DENND5B: variants seen among roughly 807,000 people sequenced by gnomAD.
DENND5B encodes the protein DENN domain-containing protein 5B.
A neutral mutation model predicts 140.6 loss-of-function variants in DENND5B; 34 were observed. The ratio of observed to expected loss-of-function variants is 0.24; its 90% CI spans 0.18 to 0.32. The LOEUF (loss-of-function observed/expected upper bound fraction) is 0.32. Among genes scored for constraint, DENND5B ranks in the 10% least tolerant of loss-of-function variants. The pLI is 1.00. For missense variants in DENND5B, 1,142 were observed against 1,560.2 expected (o/e 0.73, Z 4.52); for synonymous variants, 551 against 562.1 (o/e 0.98, Z 0.28).
intron 1 of DENND5B, among the ~76,000 whole-genome samples, chr12:31,505,480 G>A (rs1947164071): frequency 6.6e-6 from 1 of 151,986 alleles, no homozygotes; most frequent in African/African-American, 2.4e-5. Context: ...CAGATGATCT[G>A]CCCGCTTCAG....
chr12:31,511,967 A>T, intron 1 of DENND5B, among the ~76,000 whole-genome samples: 1 of 110,300 alleles, frequency 9.1e-6, no homozygotes, highest in Non-Finnish European at 1.7e-5. Flanking sequence ...TCTATTGCCT[A>T]GGTTGGAGTG....
chr12:31,462,206 T>G (rs1945049727), intron 3 of DENND5B, among the ~76,000 whole-genome samples: 1 of 152,078 alleles, frequency 6.6e-6, no homozygotes, highest in African/African-American at 2.4e-5. Context: ...CAAGGCCCAC[T>G]GAAGAAGCTA....
rs925381010 is a variant in DENND5B, at chr12:31,445,906, G to A, written c.1861+1632C>T. On this transcript the variant is annotated intron_variant, in intron 6 of 20. Transcript: ENST00000389082. ...TGCCTATAGTACCAGTTCCCCAGGA[G>A]GCTGTGGTAGGAACATCACCTGAGC... 5.6e-4 allele frequency among the ~76,000 whole-genome samples: 85 copies of A among 151,370 alleles called. 1 individual carries two copies. Among genetic ancestry groups the A allele is most frequent in the African/African-American group, 2.0e-3 (81 of 41,206 alleles).
intron 8 of DENND5B, among the ~76,000 whole-genome samples, chr12:31,429,418 T>A (rs187993107): frequency 9.2e-5 from 14 of 152,342 alleles, no homozygotes; most frequent in Non-Finnish European, 1.9e-4. Flanking sequence ...TATTATTATT[T>A]TTTTTCTTGA....
At chr12:31,401,513 CACA>C (rs1297855813) in intron 15 of DENND5B, among the ~76,000 whole-genome samples, 1 of 152,122 alleles carries the variant, frequency 6.6e-6, no homozygotes, top group East Asian at 1.9e-4. Flanking sequence ...CTTCCTCAAA[CACA>C]ACAATTATTT....
At chr12:31,479,458 C>G in intron 3 of DENND5B, 131 bp downstream of exon 3, 1 of 868,852 alleles carries the variant, frequency 1.2e-6, no homozygotes, top group Non-Finnish European at 1.6e-6. Flanking sequence ...TCCCACCATA[C>G]CTGCTCCCTT....
chr12:31,559,817 C>G (rs1183407888), intron 1 of DENND5B, among the ~76,000 whole-genome samples: 3 of 151,856 alleles, frequency 2.0e-5, no homozygotes, highest in African/African-American at 7.3e-5. Context: ...GACCTTGAGT[C>G]TATTACCACA....
At position 31,536,160 on chromosome 12, in the gene DENND5B, G is replaced by A. The variant is rs559122370; in HGVS notation, c.128-40241C>T. 5.9e-5 allele frequency among the ~76,000 whole-genome samples: 9 copies of A among 152,136 alleles called. No individual in the cohort carries two copies. The South Asian group carries it at 1.0e-3, about 18-fold the overall frequency. Reference sequence around the variant, plus strand: ...GAAGTCGAGCAGATGTCAGAATCACGTTACCTGTACAGCCTGTGGAAACAT... The same window carrying A: ...GAAGTCGAGCAGATGTCAGAATCACATTACCTGTACAGCCTGTGGAAACAT... On this transcript the variant is annotated intron_variant, in intron 1 of 20. Transcript: ENST00000389082.
At chr12:31,550,330 T>C (rs1241037305) in intron 1 of DENND5B, among the ~76,000 whole-genome samples, 1 of 150,794 alleles carries the variant, frequency 6.6e-6, no homozygotes, top group Non-Finnish European at 1.5e-5. Flanking sequence ...TTTTTGGTCC[T>C]TGCAATAGTT....
chr12:31,475,329 C>T (rs1362944552), intron 3 of DENND5B, among the ~76,000 whole-genome samples: 1 of 140,348 alleles, frequency 7.1e-6, no homozygotes, highest in East Asian at 2.3e-4. Context: ...CTCTGTTGTT[C>T]TCGGCATACA....
At chr12:31,589,335 G>A (rs1950518889) in intron 1 of DENND5B, among the ~76,000 whole-genome samples, 1 of 152,186 alleles carries the variant, frequency 6.6e-6, no homozygotes, top group African/African-American at 2.4e-5. Context: ...AAGAAACAAT[G>A]TGATTACATA....
chr12:31,460,618 T>C (rs1944972641), intron 3 of DENND5B, among the ~76,000 whole-genome samples: 3 of 152,186 alleles, frequency 2.0e-5, no homozygotes, highest in Non-Finnish European at 2.9e-5. Context: ...CTTTGCTTCT[T>C]AAAATCATGG....
intron 1 of DENND5B, among the ~76,000 whole-genome samples, chr12:31,540,631 G>A (rs1394242951): frequency 1.3e-5 from 2 of 151,602 alleles, no homozygotes; most frequent in East Asian, 1.9e-4. Context: ...TCCAGCCTGG[G>A]CGACACAGTC....
In DENND5B at chr12:31,426,362, G is replaced by C. The variant is rs995741784; in HGVS notation, c.2169C>G (p.Leu723=). Residue 723 remains leucine, a synonymous_variant, in exon 9 of 21, where the codon CTC becomes CTG. Coordinates refer to ENST00000389082, the MANE Select transcript of DENND5B (RefSeq NM_144973.4). ...KNLRQPKLSD[L]SPAVIAQTNC... is the part of the protein sequence containing the mutation. ...TGGTCTGTGCAATAACTGCAGGAGA[G>C]AGGTCTGACAGTTTGGGTTGCCTCA... is the stretch of plus-strand genomic sequence containing the variant. The C allele has an allele frequency of 6.2e-7, 1 of 1,612,288 alleles. No homozygotes were observed. Among genetic ancestry groups the C allele is most frequent in the East Asian group, 2.2e-5 (1 of 44,854 alleles).
At chr12:31,427,880 G>A (rs1943319629) in intron 8 of DENND5B, among the ~76,000 whole-genome samples, 1 of 151,918 alleles carries the variant, frequency 6.6e-6, no homozygotes, top group Admixed American at 6.6e-5. Flanking sequence ...AAAATCCTTT[G>A]CATTCTTTAA....
intron 3 of DENND5B, among the ~76,000 whole-genome samples, chr12:31,472,287 G>C (rs1175999731): frequency 6.6e-6 from 1 of 152,022 alleles, no homozygotes; most frequent in Non-Finnish European, 1.5e-5. Context: ...GACCTTGATG[G>C]GACTGAAACA....
intron 2 of DENND5B, among the ~76,000 whole-genome samples, chr12:31,492,905 A>G (rs1481124950): frequency 6.6e-6 from 1 of 152,358 alleles, no homozygotes; most frequent in South Asian, 2.1e-4. Flanking sequence ...GGCATCTCTG[A>G]TTATTTTAGT....
chr12:31,541,003 G>A (rs1031853264), intron 1 of DENND5B: 24 of 454,258 alleles, frequency 5.3e-5, no homozygotes, highest in African/African-American at 3.0e-4. Context: ...ATATCTTTAC[G>A]CAGAAGAATG....
intron 3 of DENND5B, among the ~76,000 whole-genome samples, chr12:31,471,665 C>T (rs867195986): frequency 6.6e-6 from 1 of 151,964 alleles, no homozygotes; most frequent in Admixed American, 6.6e-5. Flanking sequence ...TCATCCACTT[C>T]CTGATGAATC....
Sources: gnomAD v4.1 joint callset for allele counts (sites outside exome capture counted in the v4.1 genomes callset) on GRCh38, gnomAD v4.1.1 for gene constraint, MANE v1.5 for transcripts, NCBI Gene and HGNC (gene_info 2026-07-23, HGNC 2026-07-21) for gene names.